The following RUNX1T1 variants were observed in gnomAD, a reference collection of about 807,000 sequenced individuals.
RUNX1T1 encodes the protein protein CBFA2T1.
Under a neutral mutation model 62.8 loss-of-function variants are expected in RUNX1T1, and 4 were observed. The ratio of observed to expected loss-of-function variants is 0.06; its 90% CI spans 0.03 to 0.15. The LOEUF is 0.15. Ranked by LOEUF, RUNX1T1 falls within the 10% of genes least tolerant of loss-of-function variation. The pLI, the probability that RUNX1T1 is intolerant of heterozygous loss-of-function variation, is 1.00. For synonymous variants in RUNX1T1, 291 were observed against 286.0 expected (o/e 1.02, Z -0.18); for missense variants, 508 against 754.3 (o/e 0.67, Z 3.82).
At chr8:92,080,653 A>T (rs1294830947) in intron 1 of RUNX1T1, among the ~76,000 whole-genome samples, 1 of 152,236 alleles carries the variant, frequency 6.6e-6, no homozygotes, top group African/African-American at 2.4e-5. Flanking sequence ...CACTCTATTC[A>T]TTCCATTGGC....
At chr8:92,014,311 AT>A (rs1418333063) in intron 3 of RUNX1T1, among the ~76,000 whole-genome samples, 3 of 152,134 alleles carry the variant, frequency 2.0e-5, no homozygotes, top group Non-Finnish European at 4.4e-5. Context: ...ACATTTATAT[AT>A]ATAACATGTT....
At chr8:91,967,236 T>C (rs1356985737) in intron 10 of RUNX1T1, among the ~76,000 whole-genome samples, 1 of 152,176 alleles carries the variant, frequency 6.6e-6, no homozygotes, top group African/African-American at 2.4e-5. Flanking sequence ...ACAAACTTCA[T>C]GCAACCTCCG....
chr8:91,971,831 T>C (rs1398151682), intron 9 of RUNX1T1, among the ~76,000 whole-genome samples: 1 of 152,094 alleles, frequency 6.6e-6, no homozygotes, highest in Non-Finnish European at 1.5e-5. Context: ...GGTGCAAAGA[T>C]TCAACTAATG....
At chr8:92,028,800 C>T (rs1380702964) in intron 1 of RUNX1T1, among the ~76,000 whole-genome samples, 1 of 151,902 alleles carries the variant, frequency 6.6e-6, no homozygotes, top group Non-Finnish European at 1.5e-5. Context: ...TCACAAGGGC[C>T]CCAAAACTGA....
chr8:92,085,546 T>C (rs1442313710), intron 1 of RUNX1T1, among the ~76,000 whole-genome samples: 2 of 152,194 alleles, frequency 1.3e-5, no homozygotes, highest in Non-Finnish European at 2.9e-5. Flanking sequence ...TTATGCTTAA[T>C]AATTAGTTCT....
chr8:92,024,867 T>C (rs1432487762), intron 1 of RUNX1T1, among the ~76,000 whole-genome samples: 2 of 152,232 alleles, frequency 1.3e-5, no homozygotes, highest in East Asian at 3.8e-4. Flanking sequence ...TGTGTTATCA[T>C]TGGGCTTCAG....
chr8:92,087,684 C>T (rs946260611), intron 1 of RUNX1T1, among the ~76,000 whole-genome samples: 1 of 152,154 alleles, frequency 6.6e-6, no homozygotes, highest in Non-Finnish European at 1.5e-5. Context: ...ACATAGAAAA[C>T]ATTTACTAAA....
chr8:91,956,014 A>C (rs1809320680), downstream of RUNX1T1: 1 of 230,576 alleles, frequency 4.3e-6, no homozygotes, highest in Non-Finnish European at 8.6e-6. Flanking sequence ...GACAAGGCAG[A>C]TAGAGCAGTT....
At chr8:92,016,346 G>A (rs1822988009) in intron 2 of RUNX1T1, among the ~76,000 whole-genome samples, 1 of 152,074 alleles carries the variant, frequency 6.6e-6, no homozygotes, top group Non-Finnish European at 1.5e-5. Flanking sequence ...AAGCAGGAAT[G>A]GAGTAAAGTT....
At chr8:92,062,535 G>C (rs756206129) in intron 1 of RUNX1T1, 1 of 1,613,592 alleles carries the variant, frequency 6.2e-7, no homozygotes, top group Non-Finnish European at 8.5e-7. Flanking sequence ...CACAGAACAG[G>C]GCTAACTCAC....
At chr8:92,017,605 G>A in intron 1 of RUNX1T1, 1 of 1,370,740 alleles carries the variant, frequency 7.3e-7, no homozygotes, top group South Asian at 1.5e-5. Flanking sequence ...TGTTATTTCT[G>A]GCTTAGGCAG....
intron 10 of RUNX1T1, among the ~76,000 whole-genome samples, chr8:91,970,018 C>CTG (rs1554595112): frequency 0.03 from 4,339 of 142,634 alleles, 99 homozygotes; most frequent in African/African-American, 0.078. Context: ...TTTAGGCTAG[C>CTG]TGTGTGTGTG....
At chr8:92,058,211 C>G (rs1321730904) in intron 1 of RUNX1T1, among the ~76,000 whole-genome samples, 1 of 152,156 alleles carries the variant, frequency 6.6e-6, no homozygotes, top group Non-Finnish European at 1.5e-5. Context: ...TATCTGGTAT[C>G]TGGCACATTT....
intron 1 of RUNX1T1, among the ~76,000 whole-genome samples, chr8:92,049,242 T>C (rs1829879257): frequency 1.3e-5 from 2 of 152,180 alleles, no homozygotes; most frequent in South Asian, 2.1e-4. Context: ...TTTTTCGAAT[T>C]ACCCTCAAAC....
At chr8:92,075,130 C>T (rs1318899597) in intron 2 of RUNX1T1, among the ~76,000 whole-genome samples, 1 of 152,230 alleles carries the variant, frequency 6.6e-6, no homozygotes, top group Non-Finnish European at 1.5e-5. Context: ...CCTCTTTCTA[C>T]GTAGTCAGTC....
intron 6 of RUNX1T1, among the ~76,000 whole-genome samples, chr8:91,989,084 C>A (rs902328870): frequency 1.3e-5 from 2 of 152,058 alleles, no homozygotes; most frequent in African/African-American, 4.8e-5. Context: ...AAATTTGACA[C>A]TAATGTTGAG....
chr8:92,087,550 C>T (rs910179484), intron 1 of RUNX1T1, among the ~76,000 whole-genome samples: 6 of 152,148 alleles, frequency 3.9e-5, no homozygotes, highest in African/African-American at 1.4e-4. Context: ...ACTTGCTGCA[C>T]CATTTAATTG....
At chr8:92,007,984 AAAAG>A (rs1237646043) in intron 4 of RUNX1T1, among the ~76,000 whole-genome samples, 9 of 150,316 alleles carry the variant, frequency 6.0e-5, no homozygotes, top group Non-Finnish European at 1.2e-4. Context: ...AAAAAAAAAA[AAAAG>A]AAAGAAAGAA....
chr8:92,036,952 C>T (rs561011298), intron 1 of RUNX1T1, among the ~76,000 whole-genome samples: 11 of 152,168 alleles, frequency 7.2e-5, no homozygotes, highest in Admixed American at 2.0e-4. Context: ...GCTCAATGTC[C>T]TGAGCTTCAG....
Sources: gnomAD v4.1 joint callset for allele counts (sites outside exome capture counted in the v4.1 genomes callset) on GRCh38, gnomAD v4.1.1 for gene constraint, MANE v1.5 for transcripts, NCBI Gene and HGNC (gene_info 2026-07-23, HGNC 2026-07-21) for gene names.